Variants in CCDC197 observed in about 807,000 individuals in gnomAD.
CCDC197 encodes coiled-coil domain containing 197.
CCDC197 carries 24 observed loss-of-function variants against 13.4 expected under a neutral mutation model. That is an observed-to-expected ratio of 1.80 (90% CI 1.30 to 2.53). CCDC197 has a LOEUF of 2.53. Among genes scored for constraint, CCDC197 ranks in the 30% most tolerant of loss-of-function variants. The pLI, the probability that CCDC197 is intolerant of heterozygous loss-of-function variation, is 0.00. For synonymous variants in CCDC197, 99 were observed against 55.5 expected (o/e 1.78, Z -3.48); for missense variants, 255 against 148.8 (o/e 1.71, Z -3.71).
chr14:93,990,115 A>G (rs988583200), intron 1 of CCDC197, among the ~76,000 whole-genome samples: 1 of 152,210 alleles, frequency 6.6e-6, no homozygotes, highest in African/African-American at 2.4e-5. Context: ...GGCTTGTGTA[A>G]TCAGTTAGAC....
chr14:94,007,917 C>CA (rs1433697759), intron 6 of CCDC197, among the ~76,000 whole-genome samples: 1 of 152,228 alleles, frequency 6.6e-6, no homozygotes, highest in African/African-American at 2.4e-5. Context: ...AGGAGCCTCA[C>CA]AGGCAGTACC....
chr14:94,000,786 G>A (rs1167816862), intron 3 of CCDC197: 1 of 179,840 alleles, frequency 5.6e-6, no homozygotes, highest in East Asian at 1.6e-4. Flanking sequence ...CCAGGACTTG[G>A]CACTTGCTCG....
intron 1 of CCDC197, among the ~76,000 whole-genome samples, chr14:93,990,522 C>T (rs1890191095): frequency 6.6e-6 from 1 of 152,250 alleles, no homozygotes; most frequent in Non-Finnish European, 1.5e-5. Flanking sequence ...GTTCCTGCTC[C>T]AGGCCAGCCT....
At chr14:93,993,526 G>C (rs1016420704), upstream of CCDC197, among the ~76,000 whole-genome samples, 1 of 152,184 alleles carries the variant, frequency 6.6e-6, no homozygotes, top group Non-Finnish European at 1.5e-5. Flanking sequence ...ACAGCTGGTA[G>C]CCCTGCCTCA....
intron 6 of CCDC197, chr14:94,007,150 T>C (rs968257162): frequency 1.3e-5 from 2 of 152,212 alleles, no homozygotes; most frequent in Non-Finnish European, 2.9e-5. Flanking sequence ...TTACTTTGGG[T>C]ATGTGTATGT....
intron 3 of CCDC197, among the ~76,000 whole-genome samples, chr14:94,000,606 A>C (rs914085249): frequency 6.6e-6 from 1 of 152,032 alleles, no homozygotes; most frequent in African/African-American, 2.4e-5. Flanking sequence ...CTGCTGGGCG[A>C]TGTGGCTGGG....
chr14:93,999,651 A>C lies in CCDC197; in HGVS notation c.173A>C (p.Glu58Ala), dbSNP rs1890431348. The stretch of plus-strand genomic sequence containing the variant: ...GAAGACTATCTGATTAAGGTCCTTG[A>C]GAAAATCCCCGAGGGTATGTACACA... ...LFEDYLIKVLEKIPEGCTGWE... is the reference protein window; with the variant it reads ...LFEDYLIKVLAKIPEGCTGWE... The change falls in exon 3 of 7, where the codon GAG (glutamate) becomes GCG (alanine). Residue 58 changes from glutamate to alanine, a missense_variant. Transcript: ENST00000636493. The C allele has an allele frequency of 2.6e-6, 2 of 781,070 alleles. No individual in the cohort carries two copies. Among genetic ancestry groups the C allele is most frequent in the Non-Finnish European group, 4.8e-6 (2 of 418,122 alleles). 48.4% of individuals were successfully genotyped at this position (781,070 alleles called of 1,614,324 possible).
In CCDC197 at chr14:94,005,818, C is replaced by T. The variant is rs182240794; in HGVS notation, c.615+847C>T. ...TTCAAGGTTCATCCATGTCCCAGCA[C>T]GAATCAGTGCTTTATTTTTATAGCT... On this transcript the variant is annotated intron_variant, in intron 6 of 6. Transcript: ENST00000636493. Among the ~76,000 whole-genome samples, 11 of 152,272 alleles carry T rather than the reference C, an allele frequency of 7.2e-5. No homozygotes were observed. The East Asian group carries it at 1.2e-3, about 16-fold the overall frequency.
Position 93,999,541 on chromosome 14 carries a change from C to G in CCDC197, c.105-42C>G, listed in dbSNP as rs371062720. On this transcript the variant is annotated intron_variant, in intron 2 of 6. Transcript: ENST00000636493. ...TTCATTCACAGGGGGTCCTGCGTGACCTGGGAGCCTCCAGGCCATGTTCCT... is the reference window on the plus strand; with the variant it reads ...TTCATTCACAGGGGGTCCTGCGTGAGCTGGGAGCCTCCAGGCCATGTTCCT... The G allele has an allele frequency of 2.0e-4, 156 of 779,188 alleles. No homozygotes were observed. In the African/African-American group the frequency reaches 2.5e-3, roughly 12 times the overall value. The allele number at this position is 779,188 out of a possible 1,614,324, so 48.3% of individuals were successfully genotyped here.
chr14:93,998,419 G>A (rs943501074), intron 2 of CCDC197, among the ~76,000 whole-genome samples, 184 bp downstream of exon 2: 1 of 152,242 alleles, frequency 6.6e-6, no homozygotes, highest in Non-Finnish European at 1.5e-5. Flanking sequence ...AGAGAGAAGA[G>A]GTGTGGCTAT....
chr14:93,999,744 C>T (rs1004138293), intron 3 of CCDC197, 79 bp downstream of exon 3: 14 of 756,242 alleles, frequency 1.9e-5, no homozygotes, highest in Non-Finnish European at 3.4e-5. Flanking sequence ...CCGTGTGTGG[C>T]CTCATGGAGC....
At chr14:94,006,787 A>T (rs1222029339) in intron 6 of CCDC197, among the ~76,000 whole-genome samples, 2 of 152,152 alleles carry the variant, frequency 1.3e-5, no homozygotes, top group Non-Finnish European at 2.9e-5. Flanking sequence ...GAAGCACAGA[A>T]GTTTTGAATT....
chr14:93,989,072 G>A (rs894391595), intron 1 of CCDC197, among the ~76,000 whole-genome samples: 1 of 152,026 alleles, frequency 6.6e-6, no homozygotes, highest in Admixed American at 6.5e-5. Flanking sequence ...TGGGGTCCAT[G>A]CGAGAGATGG....
chr14:94,010,825 C>T (rs1051434817), downstream of CCDC197, among the ~76,000 whole-genome samples: 6 of 152,050 alleles, frequency 3.9e-5, no homozygotes, highest in Non-Finnish European at 7.4e-5. Flanking sequence ...TCTGTCTTTC[C>T]CACTCTTTCC....
chr14:94,001,474 CT>C, intron 4 of CCDC197, 151 bp downstream of exon 4: 1 of 551,342 alleles, frequency 1.8e-6, no homozygotes, highest in Non-Finnish European at 3.2e-6. Flanking sequence ...CCTGAGCCGC[CT>C]TCCATATCCC....
At chr14:93,998,873 G>A (rs1890403509) in intron 2 of CCDC197, among the ~76,000 whole-genome samples, 1 of 152,166 alleles carries the variant, frequency 6.6e-6, no homozygotes, top group African/African-American at 2.4e-5. Context: ...GCTTGCCCTG[G>A]GCCACTCAGA....
At chr14:94,010,622 A>C (rs1182981826), downstream of CCDC197, among the ~76,000 whole-genome samples, 2 of 152,216 alleles carry the variant, frequency 1.3e-5, no homozygotes, top group African/African-American at 4.8e-5. Context: ...TCTCAGAAGG[A>C]AGAGGCTGCA....
At chr14:94,010,348 C>A, downstream of CCDC197, among the ~76,000 whole-genome samples, 1 of 152,278 alleles carries the variant, frequency 6.6e-6, no homozygotes, top group East Asian at 1.9e-4. Context: ...GGACTACAGG[C>A]GCGTGCCACC....
chr14:93,990,228 C>A (rs1890184339), intron 1 of CCDC197, among the ~76,000 whole-genome samples: 1 of 152,170 alleles, frequency 6.6e-6, no homozygotes, highest in Non-Finnish European at 1.5e-5. Context: ...TGACTGCTCA[C>A]CACATTCACA....
Sources: allele counts gnomAD v4.1 joint callset (sites outside exome capture counted in the v4.1 genomes callset), GRCh38; gene constraint gnomAD v4.1.1; transcripts MANE v1.5; gene names NCBI Gene and HGNC (gene_info 2026-07-23, HGNC 2026-07-21).